Variants in ARHGAP11A observed in about 807,000 individuals in gnomAD.
ARHGAP11A encodes rho GTPase-activating protein 11A.
A neutral mutation model predicts 60.5 loss-of-function variants in ARHGAP11A; 36 were observed. The observed-to-expected ratio is 0.59, with a 90% CI of 0.46 to 0.79. ARHGAP11A has a LOEUF of 0.79. Among genes scored for constraint, ARHGAP11A ranks in the 30% least tolerant of loss-of-function variants. The probability of loss-of-function intolerance (pLI) is 0.00; values close to 1 mark genes in which losing one functional copy is unlikely to be tolerated. For missense variants in ARHGAP11A, 1,071 were observed against 1,199.2 expected, an observed-to-expected ratio of 0.89 and a Z score of 1.58; for synonymous variants, 362 against 415.5, an observed-to-expected ratio of 0.87 and a Z score of 1.57.
rs758395123 is a variant in ARHGAP11A at position 32,628,735 on chromosome 15, T to G, written c.870T>G (p.Val290=). 4 of 1,568,412 alleles carry G rather than the reference T, an allele frequency of 2.6e-6. No individual in the cohort carries two copies. The East Asian group carries it at 9.4e-5, about 37-fold the overall frequency. The change falls in exon 7 of 12, where the codon GTT becomes GTG. Residue 290 remains valine, a synonymous_variant. Transcript: ENST00000361627. ...TTATGCCTTGCATTTCAGATTTTGT[T>G]AGTGGAGCACTAAATAAATTTAAAC... The part of the protein sequence containing the change: ...RKRRQSVGDF[V]SGALNKFKPN...
chr15:32,623,406 C>T lies in ARHGAP11A; in HGVS notation c.201-86C>T, dbSNP rs546390433. ...GTGGCTTTAGAGCCTCTGAAAGGTACGTAGTGCTTGGCCTGCTCATGTATG... is the reference window on the plus strand; with the variant it reads ...GTGGCTTTAGAGCCTCTGAAAGGTATGTAGTGCTTGGCCTGCTCATGTATG... On this transcript the variant is annotated intron_variant, in intron 2 of 11. Transcript: ENST00000361627. 147 of 1,273,436 alleles carry T rather than the reference C, an allele frequency of 1.2e-4. No individual in the cohort carries two copies. The African/African-American group carries it at 1.7e-3, about 14-fold the overall frequency. The allele number at this position is 1,273,436 out of a possible 1,614,324, so 78.9% of individuals were successfully genotyped here.
chr15:32,633,158 A>G, intron 9 of ARHGAP11A, 50 bp downstream of exon 9: 1 of 1,591,460 alleles, frequency 6.3e-7, no homozygotes, highest in South Asian at 1.1e-5. Context: ...TTTGGTGTAC[A>G]CATAATTAAT....
chr15:32,636,092 A>G (rs2053707032), intron 11 of ARHGAP11A, 165 bp from the exon 12 acceptor site: 1 of 1,389,320 alleles, frequency 7.2e-7, no homozygotes, highest in African/African-American at 1.5e-5. Flanking sequence ...ATGCTTATAC[A>G]TGTAAATATG....
chr15:32,628,301 C>G (rs1476468824), intron 6 of ARHGAP11A, among the ~76,000 whole-genome samples: 1 of 152,210 alleles, frequency 6.6e-6, no homozygotes, highest in Non-Finnish European at 1.5e-5. Flanking sequence ...TTTCCAGACA[C>G]TTTTATTCAT....
chr15:32,630,868 G>GT (rs1049458772), intron 8 of ARHGAP11A, among the ~76,000 whole-genome samples: 263 of 145,712 alleles, frequency 1.8e-3, no homozygotes, highest in Middle Eastern at 3.5e-3. Flanking sequence ...TAGTTCAGTT[G>GT]TTTTTTTTTT....
At chr15:32,622,014 C>T (rs1595761752) in intron 2 of ARHGAP11A, among the ~76,000 whole-genome samples, 1 of 152,310 alleles carries the variant, frequency 6.6e-6, no homozygotes, top group Admixed American at 6.5e-5. Flanking sequence ...ACAGTTTCCC[C>T]CCATTCATCC....
intron 8 of ARHGAP11A, among the ~76,000 whole-genome samples, chr15:32,630,755 G>A (rs971479209): frequency 1.3e-5 from 2 of 152,130 alleles, no homozygotes; most frequent in Non-Finnish European, 2.9e-5. Context: ...TTCTTCACAG[G>A]TTCTCTAGGG....
At position 32,623,554 on chromosome 15, in the gene ARHGAP11A, A is replaced by T; in HGVS notation, c.263A>T (p.Lys88Ile). The change falls in exon 3 of 12, where the codon AAA (lysine) becomes ATA (isoleucine). Residue 88 changes from lysine to isoleucine, a missense_variant. Transcript: ENST00000361627. ...ATTCATACCGAAGGGCTTTTTCGGAAATCAGGATCTGTGATTCGCCTAAAA... is the reference window on the plus strand; with the variant it reads ...ATTCATACCGAAGGGCTTTTTCGGATATCAGGATCTGTGATTCGCCTAAAA... Reference protein sequence around the residue: ...DHIHTEGLFRKSGSVIRLKAL... With the variant: ...DHIHTEGLFRISGSVIRLKAL... The T allele has an allele frequency of 1.9e-6, 3 of 1,614,152 alleles. No individual in the cohort carries two copies. Among genetic ancestry groups the T allele is most frequent in the Non-Finnish European group, 2.5e-6 (3 of 1,180,026 alleles).
intron 6 of ARHGAP11A, among the ~76,000 whole-genome samples, chr15:32,628,381 G>A (rs1430885921): frequency 3.3e-5 from 5 of 151,674 alleles, no homozygotes; most frequent in African/African-American, 7.3e-5. Flanking sequence ...ACTTTTATTC[G>A]TGCCTCCATT....
At chr15:32,635,547 G>T (rs1391797953) in intron 10 of ARHGAP11A, among the ~76,000 whole-genome samples, 1 of 152,150 alleles carries the variant, frequency 6.6e-6, no homozygotes, top group Non-Finnish European at 1.5e-5. Context: ...TAATTAATAT[G>T]TGAGACTGTT....
rs1256192342 is a variant in ARHGAP11A, at chr15:32,637,105, A to G, written c.2332A>G (p.Arg778Gly). ...TCVVTNLSKP[R>G]PMRIAKQQSL... ...TGTTGTAACAAACTTGTCAAAACCTAGGCCTATGAGAATTGCTAAACAGCA... is the reference window on the plus strand; with the variant it reads ...TGTTGTAACAAACTTGTCAAAACCTGGGCCTATGAGAATTGCTAAACAGCA... The change falls in exon 12 of 12, where the codon AGG (arginine) becomes GGG (glycine). Residue 778 changes from arginine (R) to glycine (G), a missense_variant. Physicochemically the swap from Arg to Gly is moderately radical, Grantham distance 125. Transcript: ENST00000361627. The G allele has an allele frequency of 6.2e-7, 1 of 1,614,032 alleles. No individual in the cohort carries two copies. Among genetic ancestry groups the G allele is most frequent in the South Asian group, 1.1e-5 (1 of 91,084 alleles).
intron 8 of ARHGAP11A, 32 bp from the exon 9 acceptor site, chr15:32,632,947 G>A: frequency 6.3e-7 from 1 of 1,586,940 alleles, no homozygotes; most frequent in South Asian, 1.1e-5. Flanking sequence ...AAATAGATAT[G>A]TGTGGTATAT....
chr15:32,635,936 TAG>T (rs1567059861), intron 11 of ARHGAP11A, 21 bp downstream of exon 11: 1 of 1,571,684 alleles, frequency 6.4e-7, no homozygotes. Context: ...ATACTACTGT[TAG>T]AGTTTTACCT....
intron 1 of ARHGAP11A, among the ~76,000 whole-genome samples, chr15:32,617,547 C>T (rs1408756872): frequency 6.9e-6 from 1 of 145,588 alleles, no homozygotes; most frequent in African/African-American, 2.6e-5. Context: ...TCTTGGCTCA[C>T]TGCAAGCTCT....
At chr15:32,623,627 C>T (rs949721671) in intron 3 of ARHGAP11A, 39 bp downstream of exon 3, 2 of 1,583,220 alleles carry the variant, frequency 1.3e-6, no homozygotes, top group East Asian at 2.3e-5. Flanking sequence ...TCATTTGAGC[C>T]ATTTTCTGAT....
Position 32,637,284 on chromosome 15 carries a change from T to C in ARHGAP11A, c.2511T>C (p.Pro837=), listed in dbSNP as rs766169854. 3 of 1,614,254 alleles carry C rather than the reference T, an allele frequency of 1.9e-6. No individual in the cohort carries two copies. Among genetic ancestry groups the C allele is most frequent in the Non-Finnish European group, 2.5e-6 (3 of 1,180,038 alleles). ...CACCTCTTAAGTTTCAGCGTACTCC[T>C]GTTCGTCAGTCCGTCAGAAGAATTA... ...VKSPLKFQRT[P]VRQSVRRINS... is the part of the protein sequence containing the mutation. The change falls in exon 12 of 12, where the codon CCT becomes CCC. Residue 837 remains proline, a synonymous_variant. Coordinates refer to ENST00000361627, the MANE Select transcript of ARHGAP11A (RefSeq NM_014783.6).
rs369619709 is a variant in ARHGAP11A, at chr15:32,624,394, C to T, written c.519C>T (p.Tyr173=). Residue 173 remains tyrosine, a synonymous_variant, in exon 4 of 12, where the codon TAC becomes TAT. Coordinates refer to ENST00000361627, the MANE Select transcript of ARHGAP11A (RefSeq NM_014783.6). ...LADHTVHVLR[Y]FFNFLRNVSL... ...ACCACACAGTTCATGTATTAAGATACTTCTTTAACTTTCTCAGGAATGTTT... is the reference window on the plus strand; with the variant it reads ...ACCACACAGTTCATGTATTAAGATATTTCTTTAACTTTCTCAGGAATGTTT... 6.2e-7 allele frequency: 1 copy of T among 1,613,184 alleles called. No homozygotes were observed. The highest frequency in any genetic ancestry group is 8.5e-7 in the Non-Finnish European group (1 of 1,179,740).
rs998002369 is a variant in ARHGAP11A, at chr15:32,639,637, A to G, written c.*1792A>G. 1 of 152,220 alleles carries G rather than the reference A, an allele frequency of 6.6e-6. No individual in the cohort carries two copies. Among genetic ancestry groups the G allele is most frequent in the African/African-American group, 2.4e-5 (1 of 41,458 alleles). 9.4% of individuals were successfully genotyped at this position (152,220 alleles called of 1,614,324 possible). On this transcript the variant is annotated 3_prime_UTR_variant, in exon 12 of 12. Coordinates refer to ENST00000361627, the MANE Select transcript of ARHGAP11A (RefSeq NM_014783.6). ...ACTGGCTTTTCTGAGAGATGAATCA[A>G]TAATGAAACATGTCTGTTTTAAAAA...
intron 1 of ARHGAP11A, among the ~76,000 whole-genome samples, chr15:32,619,773 A>C (rs1026207039): frequency 6.6e-6 from 1 of 152,132 alleles, no homozygotes; most frequent in Non-Finnish European, 1.5e-5. Context: ...GGTAAATGTT[A>C]GTGTTTTGGA....
Sources: allele counts gnomAD v4.1 joint callset (sites outside exome capture counted in the v4.1 genomes callset), GRCh38; gene constraint gnomAD v4.1.1; transcripts MANE v1.5; gene names NCBI Gene and HGNC (gene_info 2026-07-23, HGNC 2026-07-21).